The following KCNH5 variants were observed in gnomAD, a reference collection of about 807,000 sequenced individuals.
KCNH5 encodes voltage-gated delayed rectifier potassium channel KCNH5.
In KCNH5, 46 loss-of-function variants were observed where a neutral mutation model predicts 96.1. That is an observed-to-expected ratio of 0.48 (90% CI 0.38 to 0.61). The LOEUF is 0.61. Among genes scored for constraint, KCNH5 ranks in the 20% least tolerant of loss-of-function variants. The pLI, the probability that KCNH5 is intolerant of heterozygous loss-of-function variation, is 0.00. For missense variants in KCNH5, 907 were observed against 1,225.8 expected (o/e 0.74, Z 3.88); for synonymous variants, 439 against 449.8 (o/e 0.98, Z 0.30).
chr14:62,744,312 G>C (rs1885331627), intron 10 of KCNH5, among the ~76,000 whole-genome samples: 1 of 152,070 alleles, frequency 6.6e-6, no homozygotes. Flanking sequence ...TTATAAAATG[G>C]AGACAATGTT....
At position 62,708,196 on chromosome 14, in the gene KCNH5, G is replaced by A. The variant is rs757261683; in HGVS notation, c.2279C>T (p.Pro760Leu). Reference sequence around the variant, plus strand: ...CACATAGGCCAGAGACGTCTGAATGGGAGTAATCTGTGACACAGTCACCAC... The same window carrying A: ...CACATAGGCCAGAGACGTCTGAATGAGAGTAATCTGTGACACAGTCACCAC... ...TSVVTVSQIT[P>L]IQTSLAYVKT... is the part of the protein sequence containing the mutation. The change falls in exon 11 of 11, where the codon CCC becomes CTC. Residue 760 changes from proline to leucine, a missense_variant. Pro to Leu is a moderately conservative substitution (Grantham distance 98). Transcript: ENST00000322893. The A allele has an allele frequency of 1.9e-6, 3 of 1,614,200 alleles. No homozygotes were observed. Among genetic ancestry groups the A allele is most frequent in the Non-Finnish European group, 2.5e-6 (3 of 1,180,036 alleles).
chr14:62,718,387 T>G (rs1411118316), intron 10 of KCNH5, among the ~76,000 whole-genome samples: 1 of 152,012 alleles, frequency 6.6e-6, no homozygotes, highest in Non-Finnish European at 1.5e-5. Context: ...GAAAAATAAT[T>G]TTAAAATCAT....
At position 63,001,858 on chromosome 14, in the gene KCNH5, G is replaced by C. The variant is rs148182528; in HGVS notation, c.305-399C>G. ...GTGATCACTCCTACCTGCTTCTCTC[G>C]TCATGTCACTTTGACAAGTGTTTCC... On this transcript the variant is annotated intron_variant, in intron 3 of 10. Transcript: ENST00000322893. Among the ~76,000 whole-genome samples, 38 of 152,172 alleles carry C rather than the reference G, an allele frequency of 2.5e-4. No individual in the cohort carries two copies. The East Asian group carries it at 3.1e-3, about 12-fold the overall frequency.
At chr14:62,829,706 A>T (rs982436848) in intron 8 of KCNH5, among the ~76,000 whole-genome samples, 18 of 152,008 alleles carry the variant, frequency 1.2e-4, no homozygotes, top group African/African-American at 4.1e-4. Context: ...TCATGGGGGG[A>T]TCTGCCCTGA....
Position 62,708,233 on chromosome 14 carries a change from T to C in KCNH5, c.2242A>G (p.Thr748Ala), listed in dbSNP as rs751206598. The C allele has an allele frequency of 7.4e-6, 12 of 1,614,214 alleles. No individual in the cohort carries two copies. In the South Asian group the frequency reaches 9.9e-5, roughly 13 times the overall value. ...SRSLQNGASI[T>A]GTSVVTVSQI... ...GACACAGTCACCACGCTGGTTCCGGTGATGGAGGCTCCATTCTGTAAGGAG... is the reference window on the plus strand; with the variant it reads ...GACACAGTCACCACGCTGGTTCCGGCGATGGAGGCTCCATTCTGTAAGGAG... Residue 748 changes from threonine to alanine, a missense_variant, in exon 11 of 11, where the codon ACC (threonine) becomes GCC (alanine). Around this residue, in one of 6 missense-constraint regions of KCNH5, gnomAD observed 362 missense variants for 394.4 expected, o/e 0.92. Transcript: ENST00000322893.
In KCNH5 at chr14:63,022,463, T is replaced by C. The variant is rs1180426778; in HGVS notation, c.74-5509A>G. The stretch of plus-strand genomic sequence containing the variant: ...CGAGTTTTTTGTTTGTTTGTTTGTT[T>C]GTTTGTTTTTCAAAAAACTAAAATT... On this transcript the variant is annotated intron_variant, in intron 1 of 10. Coordinates refer to ENST00000322893, the MANE Select transcript of KCNH5 (RefSeq NM_139318.5). Among the ~76,000 whole-genome samples the C allele has an allele frequency of 3.3e-5, 5 of 152,256 alleles. No individual in the cohort carries two copies. The East Asian group carries it at 9.6e-4, about 29-fold the overall frequency.
chr14:62,853,925 T>C lies in KCNH5; in HGVS notation c.1370-4073A>G, dbSNP rs1399476108. 2.0e-5 allele frequency among the ~76,000 whole-genome samples: 3 copies of C among 150,092 alleles called. No individual in the cohort carries two copies. The Admixed American group carries it at 2.0e-4, about 10-fold the overall frequency. On this transcript the variant is annotated intron_variant, in intron 7 of 10. Transcript: ENST00000322893. ...ATGGGGCTGAGGCAGGAGAATCGCT[T>C]GAACCCGGGAGGCGGAGGTTGCAGT...
intron 8 of KCNH5, among the ~76,000 whole-genome samples, chr14:62,842,327 G>GA (rs1566678706): frequency 6.6e-6 from 1 of 152,006 alleles, no homozygotes; most frequent in African/African-American, 2.4e-5. Flanking sequence ...TACGTGAAAC[G>GA]AAAAAACTGA....
At chr14:62,902,316 GT>G (rs539047238) in intron 7 of KCNH5, among the ~76,000 whole-genome samples, 23 of 144,988 alleles carry the variant, frequency 1.6e-4, no homozygotes, top group East Asian at 6.1e-4. Context: ...GTGTTTCCTA[GT>G]TTTTTTTTTT....
intron 10 of KCNH5, among the ~76,000 whole-genome samples, chr14:62,745,322 C>T (rs1035110595): frequency 2.6e-5 from 4 of 152,160 alleles, no homozygotes; most frequent in Non-Finnish European, 5.9e-5. Flanking sequence ...CAATTCCATA[C>T]ACTAGCACAC....
chr14:62,748,010 T>C (rs1412482817), intron 10 of KCNH5, among the ~76,000 whole-genome samples: 3 of 152,184 alleles, frequency 2.0e-5, no homozygotes, highest in Admixed American at 2.0e-4. Context: ...CTAAACGTTA[T>C]ACTTAGCTTA....
At chr14:63,010,156 T>C (rs1371643513) in intron 2 of KCNH5, among the ~76,000 whole-genome samples, 1 of 152,214 alleles carries the variant, frequency 6.6e-6, no homozygotes, top group African/African-American at 2.4e-5. Context: ...AGTCATGGTA[T>C]AACAGAGGAC....
intron 1 of KCNH5, among the ~76,000 whole-genome samples, chr14:63,042,747 A>G (rs1189798556): frequency 6.6e-6 from 1 of 152,188 alleles, no homozygotes; most frequent in Non-Finnish European, 1.5e-5. Context: ...AGAAATGACA[A>G]CTGCGGGATA....
At position 63,045,227 on chromosome 14, in the gene KCNH5, A is replaced by AG. The variant is rs748839859; in HGVS notation, c.-42dup. 4.1e-6 allele frequency: 6 copies of AG among 1,481,434 alleles called. No individual in the cohort carries two copies. The highest frequency in any genetic ancestry group is 3.8e-6 in the Non-Finnish European group (4 of 1,063,844). The allele number at this position is 1,481,434 out of a possible 1,614,324, so 91.8% of individuals were successfully genotyped here. ...CAGCGGCCAGGATCCGCGGCGGGGG[A>AG]GGGGGGGATGCAGGCAAAGAAGGTG... On this transcript the variant is annotated 5_prime_UTR_variant, in exon 1 of 11. Transcript: ENST00000322893.
At chr14:62,751,707 C>G (rs1371358804) in intron 10 of KCNH5, among the ~76,000 whole-genome samples, 1 of 152,238 alleles carries the variant, frequency 6.6e-6, no homozygotes, top group African/African-American at 2.4e-5. Context: ...GGGGGATGAG[C>G]TTAAGGATAG....
At chr14:62,939,333 C>T (rs1352878942) in intron 7 of KCNH5, among the ~76,000 whole-genome samples, 1 of 152,206 alleles carries the variant, frequency 6.6e-6, no homozygotes, top group Non-Finnish European at 1.5e-5. Context: ...CAGCTTTATG[C>T]TGACTGCACC....
In KCNH5 at chr14:62,708,233, T is replaced by A. The variant is rs751206598; in HGVS notation, c.2242A>T (p.Thr748Ser). 1 of 1,614,214 alleles carries A rather than the reference T, an allele frequency of 6.2e-7. No homozygotes were observed. Among genetic ancestry groups the A allele is most frequent in the Non-Finnish European group, 8.5e-7 (1 of 1,180,034 alleles). Reference protein sequence around the residue: ...SRSLQNGASITGTSVVTVSQI... With the variant: ...SRSLQNGASISGTSVVTVSQI... ...GACACAGTCACCACGCTGGTTCCGG[T>A]GATGGAGGCTCCATTCTGTAAGGAG... Residue 748 changes from threonine (T) to serine (S), a missense_variant, in exon 11 of 11, where the codon ACC becomes TCC. This residue lies in a region of KCNH5 where 362 missense variants were observed against 394.4 expected (regional missense o/e 0.92). Coordinates refer to ENST00000322893, the MANE Select transcript of KCNH5 (RefSeq NM_139318.5).
intron 7 of KCNH5, among the ~76,000 whole-genome samples, chr14:62,906,728 G>A (rs1889034940): frequency 6.6e-6 from 1 of 152,088 alleles, no homozygotes; most frequent in Non-Finnish European, 1.5e-5. Flanking sequence ...TACAAATTAG[G>A]AGAGTTTTTT....
intron 5 of KCNH5, 94 bp downstream of exon 5, chr14:62,986,978 G>T: frequency 1.2e-6 from 1 of 800,382 alleles, no homozygotes; most frequent in South Asian, 1.5e-5. Flanking sequence ...GTATTTATAA[G>T]ATCATAGCCA....
Sources: allele counts gnomAD v4.1 joint callset (sites outside exome capture counted in the v4.1 genomes callset), GRCh38; gene constraint gnomAD v4.1.1; regional missense constraint gnomAD v4.1.1; transcripts MANE v1.5; gene names NCBI Gene and HGNC (gene_info 2026-07-23, HGNC 2026-07-21).